The following CA10 variants were observed in gnomAD, a reference collection of about 807,000 sequenced individuals.
CA10 encodes the protein carbonic anhydrase 10 (inactive).
CA10 carries 14 observed loss-of-function variants against 44.2 expected under a neutral mutation model. That is an observed-to-expected ratio of 0.32 (90% CI 0.21 to 0.50). The LOEUF (loss-of-function observed/expected upper bound fraction) is 0.50, where lower values mean the gene tolerates loss of function less well. Ranked by LOEUF, CA10 falls within the 20% of genes least tolerant of loss-of-function variation. The probability of loss-of-function intolerance (pLI) is 0.99; values close to 1 mark genes in which losing one functional copy is unlikely to be tolerated. For synonymous variants in CA10, 159 were observed against 141.6 expected (o/e 1.12, Z -0.87); for missense variants, 350 against 409.7 (o/e 0.85, Z 1.26).
In CA10 at chr17:51,771,122, CAAAAAAAAA is replaced by C. The variant is rs71357854; in HGVS notation, c.280-23313_280-23305del. ...CTGGCGACAGAGTAAGACTCCGTCT[CAAAAAAAAA>C]AAAAAAAAAAAAAAAAAGACCAGAT... On this transcript the variant is annotated intron_variant, in intron 3 of 8. Coordinates refer to ENST00000451037, the MANE Select transcript of CA10 (RefSeq NM_020178.5). Among the ~76,000 whole-genome samples the C allele has an allele frequency of 6.4e-4, 24 of 37,676 alleles. No homozygotes were observed. In the East Asian group the frequency reaches 0.01, roughly 16 times the overall value. 24.7% of individuals were successfully genotyped at this position (37,676 alleles called of 152,430 possible).
intron 1 of CA10, among the ~76,000 whole-genome samples, chr17:52,107,607 A>G (rs1247049781): frequency 1.3e-5 from 2 of 152,152 alleles, no homozygotes; most frequent in Non-Finnish European, 2.9e-5. Flanking sequence ...TTTATTGCAG[A>G]TTCTTATAAT....
At chr17:51,847,257 T>C (rs1978536137) in intron 3 of CA10, among the ~76,000 whole-genome samples, 1 of 152,178 alleles carries the variant, frequency 6.6e-6, no homozygotes, top group African/African-American at 2.4e-5. Context: ...AGACAACTAA[T>C]ACTGCAATCT....
At chr17:51,992,393 T>G (rs964319063) in intron 2 of CA10, among the ~76,000 whole-genome samples, 6 of 152,122 alleles carry the variant, frequency 3.9e-5, no homozygotes, top group African/African-American at 1.4e-4. Flanking sequence ...CTCCAGTAGG[T>G]CTTTGCTTTT....
intron 3 of CA10, among the ~76,000 whole-genome samples, chr17:51,845,591 T>A (rs1162137751): frequency 6.6e-6 from 1 of 152,228 alleles, no homozygotes; most frequent in Admixed American, 6.5e-5. Flanking sequence ...TACAGTCCCC[T>A]TTGTTCCCTC....
intron 5 of CA10, among the ~76,000 whole-genome samples, chr17:51,652,598 T>A (rs1318956244): frequency 6.6e-6 from 1 of 151,632 alleles, no homozygotes; most frequent in East Asian, 1.9e-4. Context: ...AAGGGGAGGG[T>A]GAGGAAGTTA....
chr17:51,860,985 G>A (rs553450202), intron 3 of CA10, among the ~76,000 whole-genome samples: 1 of 152,286 alleles, frequency 6.6e-6, no homozygotes, highest in South Asian at 2.1e-4. Flanking sequence ...TGTACTCTCT[G>A]AAATCTTAAC....
At position 52,126,321 on chromosome 17, in the gene CA10, T is replaced by G. The variant is rs182004130; in HGVS notation, c.61+31405A>C. On this transcript the variant is annotated intron_variant, in intron 1 of 8. Coordinates refer to ENST00000451037, the MANE Select transcript of CA10 (RefSeq NM_020178.5). ...TTGAAAACAGATGAAGTATATGCCT[T>G]TATTGTTATTATTTTAATTTTGATG... Among the ~76,000 whole-genome samples the G allele has an allele frequency of 1.9e-3, 283 of 152,330 alleles. 2 individuals carry two copies. The highest frequency in any genetic ancestry group is 4.3e-3 in the Admixed American group (66 of 15,304).
intron 3 of CA10, among the ~76,000 whole-genome samples, chr17:51,771,298 TATC>T (rs1202089142): frequency 3.9e-5 from 6 of 151,956 alleles, no homozygotes; most frequent in African/African-American, 1.5e-4. Context: ...CTGGGACAAA[TATC>T]CAAACTATAT....
chr17:52,050,393 G>A (rs1052916797), intron 2 of CA10, among the ~76,000 whole-genome samples: 3 of 151,866 alleles, frequency 2.0e-5, no homozygotes, highest in Non-Finnish European at 4.4e-5. Flanking sequence ...TTCTGTAATC[G>A]ACATCTAAGC....
chr17:52,116,277 G>A (rs567740510), intron 1 of CA10, among the ~76,000 whole-genome samples: 105 of 152,166 alleles, frequency 6.9e-4, no homozygotes, highest in Non-Finnish European at 1.1e-3. Context: ...TACTAGGCCA[G>A]GACCCCAATT....
intron 2 of CA10, among the ~76,000 whole-genome samples, chr17:52,025,558 C>T (rs1986274428): frequency 1.3e-5 from 2 of 151,834 alleles, no homozygotes; most frequent in South Asian, 4.2e-4. Context: ...GGATTTTTTG[C>T]TTCAAGTTCA....
At chr17:52,125,132 G>A (rs1030132023) in intron 1 of CA10, among the ~76,000 whole-genome samples, 21 of 152,186 alleles carry the variant, frequency 1.4e-4, no homozygotes, top group African/African-American at 4.8e-4. Flanking sequence ...TGAGGTCTTA[G>A]CTGACGTGTC....
intron 2 of CA10, among the ~76,000 whole-genome samples, chr17:51,991,863 G>A (rs1405618217): frequency 6.6e-6 from 1 of 151,938 alleles, no homozygotes; most frequent in Non-Finnish European, 1.5e-5. Flanking sequence ...AAAGTCTTTG[G>A]AAAACTTTCC....
chr17:52,052,462 C>A (rs548005755), intron 2 of CA10, among the ~76,000 whole-genome samples: 24 of 152,002 alleles, frequency 1.6e-4, no homozygotes, highest in African/African-American at 5.8e-4. Context: ...TCATTCAGGG[C>A]ACACATATTT....
At chr17:51,634,017 C>T (rs1484742702) in intron 7 of CA10, among the ~76,000 whole-genome samples, 5 of 152,184 alleles carry the variant, frequency 3.3e-5, no homozygotes, top group South Asian at 4.1e-4. Flanking sequence ...CATGGTATTA[C>T]GTGGATCATA....
intron 3 of CA10, among the ~76,000 whole-genome samples, chr17:51,888,592 G>T (rs1980717175): frequency 6.6e-6 from 1 of 152,070 alleles, no homozygotes. Flanking sequence ...TCTATCCCTT[G>T]TGTCTCTTGC....
At chr17:51,908,702 A>G (rs1456080764) in intron 3 of CA10, among the ~76,000 whole-genome samples, 3 of 152,154 alleles carry the variant, frequency 2.0e-5, no homozygotes, top group African/African-American at 7.2e-5. Flanking sequence ...GGAAACACAA[A>G]TCCAGTTACT....
chr17:51,992,849 G>T (rs1985090885), intron 2 of CA10, among the ~76,000 whole-genome samples: 1 of 152,078 alleles, frequency 6.6e-6, no homozygotes, highest in Non-Finnish European at 1.5e-5. Flanking sequence ...CAGCCTTTTA[G>T]ATTGTTATAA....
In CA10 at chr17:51,943,003, C is replaced by T. The variant is rs145944818; in HGVS notation, c.137-11871G>A. Among the ~76,000 whole-genome samples the T allele has an allele frequency of 2.6e-3, 394 of 152,172 alleles. 1 individual carries two copies. In the Middle Eastern group the frequency reaches 0.048, roughly 18 times the overall value. On this transcript the variant is annotated intron_variant, in intron 2 of 8. Coordinates refer to ENST00000451037, the MANE Select transcript of CA10 (RefSeq NM_020178.5). ...CTGCTTTGCATACCATTTTCTCTCC[C>T]GTCCTTGTCATACTATGATCTTACA...
Sources: gnomAD v4.1 joint callset for allele counts (sites outside exome capture counted in the v4.1 genomes callset) on GRCh38, gnomAD v4.1.1 for gene constraint, MANE v1.5 for transcripts, NCBI Gene and HGNC (gene_info 2026-07-23, HGNC 2026-07-21) for gene names.